Variants in SGSM3 observed in about 807,000 individuals in gnomAD.
SGSM3 encodes the protein small G protein signaling modulator 3.
A neutral mutation model predicts 100.5 loss-of-function variants in SGSM3; 96 were observed. That is an observed-to-expected ratio of 0.96 (90% CI 0.81 to 1.13). SGSM3 has a LOEUF of 1.13. Among genes scored for constraint, SGSM3 ranks in the 50% most tolerant of loss-of-function variants. SGSM3 has a pLI of 0.00. For missense variants in SGSM3, 1,001 were observed against 1,015.8 expected (o/e 0.99, Z 0.20); for synonymous variants, 483 against 422.8 (o/e 1.14, Z -1.75).
chr22:40,408,248 G>T (rs1474763213), intron 15 of SGSM3, 29 bp from the exon 16 acceptor site: 2 of 1,611,572 alleles, frequency 1.2e-6, no homozygotes, highest in East Asian at 4.5e-5. Flanking sequence ...CGTCAGGCAG[G>T]GCTTTCTCAG....
chr22:40,406,004 G>C, intron 8 of SGSM3, 74 bp from the exon 9 acceptor site: 1 of 1,564,116 alleles, frequency 6.4e-7, no homozygotes, highest in Middle Eastern at 1.7e-4. Context: ...TAAGCAGGGA[G>C]GACCTTGCTG....
At chr22:40,387,538 G>T (rs1245711597) in intron 1 of SGSM3, 3 of 229,708 alleles carry the variant, frequency 1.3e-5, no homozygotes, top group Non-Finnish European at 2.5e-5. Flanking sequence ...TGTCTCAGTG[G>T]CCTTCTTTGC....
chr22:40,376,940 G>A (rs777600867), intron 1 of SGSM3, among the ~76,000 whole-genome samples: 3 of 152,120 alleles, frequency 2.0e-5, no homozygotes, highest in Non-Finnish European at 2.9e-5. Context: ...GATTGTCATA[G>A]GAATAACCAA....
intron 6 of SGSM3, 87 bp downstream of exon 6, chr22:40,404,751 G>A: frequency 2.1e-6 from 2 of 941,104 alleles, no homozygotes; most frequent in East Asian, 2.6e-5. Flanking sequence ...CTTAGAGTGT[G>A]CCCTTGTTGT....
Position 40,407,192 on chromosome 22 carries a change from G to A in SGSM3, c.1241-9G>A, listed in dbSNP as rs759739592. 6.2e-7 allele frequency: 1 copy of A among 1,613,466 alleles called. No homozygotes were observed. ...GGCTGTGGTCACCATGGTTCTCTGG[G>A]CCTCCTAGGGGAGGATGACCTGGAG... is the stretch of plus-strand genomic sequence containing the variant. On this transcript the variant is annotated splice_polypyrimidine_tract_variant and intron_variant, in intron 11 of 21. Coordinates refer to ENST00000248929, the MANE Select transcript of SGSM3 (RefSeq NM_015705.6). This position sits in a 1 kb window ranked among gnomAD's most constrained non-coding sequence, Gnocchi z 4.7.
intron 1 of SGSM3, among the ~76,000 whole-genome samples, chr22:40,377,085 C>T (rs2046753684): frequency 6.6e-6 from 1 of 152,192 alleles, no homozygotes; most frequent in South Asian, 2.1e-4. Flanking sequence ...TGAAGCATCA[C>T]ATTTTGAGAA....
At chr22:40,401,514 G>A in intron 2 of SGSM3, 79 bp from the exon 3 acceptor site, 4 of 1,147,786 alleles carry the variant, frequency 3.5e-6, no homozygotes, top group Middle Eastern at 2.1e-4. Flanking sequence ...CCAAAGTACT[G>A]AGATTACAGG....
rs1254727779 is a variant in SGSM3, at chr22:40,407,484, C to T, written c.1440C>T (p.Ser480=). 1.2e-6 allele frequency: 2 copies of T among 1,611,364 alleles called. No individual in the cohort carries two copies. The highest frequency in any genetic ancestry group is 1.7e-6 in the Non-Finnish European group (2 of 1,179,982). Reference sequence around the variant, plus strand: ...AGAACTACGTGGCGTGCTCACGCAGCCACCGGCGCCGAGCCAAGGCCCTGC... The same window carrying T: ...AGAACTACGTGGCGTGCTCACGCAGTCACCGGCGCCGAGCCAAGGCCCTGC... ...DHENYVACSR[S]HRRRAKALLD... Residue 480 remains serine (S), a synonymous_variant, in exon 13 of 22, where the codon AGC becomes AGT. Coordinates refer to ENST00000248929, the MANE Select transcript of SGSM3 (RefSeq NM_015705.6). The surrounding 1 kb of genome is among the most constrained non-coding windows in gnomAD (Gnocchi z 4.7).
At chr22:40,375,302 G>A (rs1205943702) in intron 1 of SGSM3, among the ~76,000 whole-genome samples, 2 of 152,086 alleles carry the variant, frequency 1.3e-5, no homozygotes, top group African/African-American at 4.8e-5. Flanking sequence ...TTGATAGGCC[G>A]GTTGTGGTGG....
At chr22:40,401,224 T>A (rs908893399) in intron 2 of SGSM3, among the ~76,000 whole-genome samples, 27 of 152,168 alleles carry the variant, frequency 1.8e-4, no homozygotes, top group African/African-American at 6.5e-4. Context: ...GGGTATTTCC[T>A]GATTTGAATT....
chr22:40,394,749 C>T (rs918886446), intron 1 of SGSM3, among the ~76,000 whole-genome samples: 7 of 152,020 alleles, frequency 4.6e-5, no homozygotes, highest in Admixed American at 1.3e-4. Context: ...TACTTTCCCC[C>T]TCATCACTAC....
In SGSM3 at chr22:40,407,338, C is replaced by T; in HGVS notation, c.1368+10C>T. 6.2e-7 allele frequency: 1 copy of T among 1,613,382 alleles called. No homozygotes were observed. The highest frequency in any genetic ancestry group is 1.7e-5 in the Admixed American group (1 of 60,018). ...CAAAAACTGCAGCGTGGTGAGTCGC[C>T]AGCTCCCTGGGCTGCTACCAAACAC... On this transcript the variant is annotated intron_variant, in intron 12 of 21. Coordinates refer to ENST00000248929, the MANE Select transcript of SGSM3 (RefSeq NM_015705.6). This position sits in a 1 kb window ranked among gnomAD's most constrained non-coding sequence, Gnocchi z 4.7.
At chr22:40,372,687 T>TA (rs1555911893) in intron 1 of SGSM3, 1 of 152,154 alleles carries the variant, frequency 6.6e-6, no homozygotes, top group Admixed American at 6.5e-5. Flanking sequence ...AGGGAGGAGA[T>TA]AATCATCTCT....
chr22:40,408,789 C>T lies in SGSM3; in HGVS notation c.1854-5C>T, dbSNP rs781545790. 7 of 1,613,686 alleles carry T rather than the reference C, an allele frequency of 4.3e-6. No individual in the cohort carries two copies. Among genetic ancestry groups the T allele is most frequent in the Admixed American group, 3.3e-5 (2 of 60,004 alleles). Reference sequence around the variant, plus strand: ...GGCACCCCAGGAGCTTTGGTGTCCCCTCAGGTTGGATGAAGATGGCAAAGT... The same window carrying T: ...GGCACCCCAGGAGCTTTGGTGTCCCTTCAGGTTGGATGAAGATGGCAAAGT... On this transcript the variant is annotated splice_polypyrimidine_tract_variant and splice_region_variant and intron_variant, in intron 17 of 21. Transcript: ENST00000248929.
chr22:40,389,397 C>T (rs1054773462), intron 1 of SGSM3, among the ~76,000 whole-genome samples: 3 of 144,684 alleles, frequency 2.1e-5, no homozygotes, highest in East Asian at 2.1e-4. Flanking sequence ...CAGGAGATCC[C>T]GACCATCCCG....
At chr22:40,406,006 A>C (rs1197390151) in intron 8 of SGSM3, 72 bp from the exon 9 acceptor site, 8 of 1,565,014 alleles carry the variant, frequency 5.1e-6, no homozygotes, top group Middle Eastern at 1.7e-4. Context: ...AGCAGGGAGG[A>C]CCTTGCTGCA....
intron 2 of SGSM3, among the ~76,000 whole-genome samples, chr22:40,401,069 C>T (rs1273447332): frequency 2.0e-5 from 3 of 152,176 alleles, no homozygotes; most frequent in Non-Finnish European, 4.4e-5. Flanking sequence ...GAAGTTTGGT[C>T]ATGTTTTGTA....
In SGSM3 at chr22:40,401,652, G is replaced by C; in HGVS notation, c.67G>C (p.Glu23Gln). The change falls in exon 3 of 22, where the codon GAG (glutamate) becomes CAG (glutamine). Residue 23 changes from glutamate (E) to glutamine (Q), a missense_variant. Coordinates refer to ENST00000248929, the MANE Select transcript of SGSM3 (RefSeq NM_015705.6). ...CCTGACTCCGAGCATATGGCCCCAG[G>C]AGATCTTGGCCAAGTACACGCAGGT... ...SALTPSIWPQ[E>Q]ILAKYTQKEE... 6.2e-7 allele frequency: 1 copy of C among 1,613,334 alleles called. No homozygotes were observed. Among genetic ancestry groups the C allele is most frequent in the Non-Finnish European group, 8.5e-7 (1 of 1,179,486 alleles).
chr22:40,375,933 CAG>C (rs1208858947), intron 1 of SGSM3, among the ~76,000 whole-genome samples: 1 of 151,542 alleles, frequency 6.6e-6, no homozygotes, highest in African/African-American at 2.4e-5. Context: ...CCCACCTACT[CAG>C]GATGCTGAGG....
Sources: allele counts gnomAD v4.1 joint callset (sites outside exome capture counted in the v4.1 genomes callset), GRCh38; gene constraint gnomAD v4.1.1; non-coding constraint Gnocchi (gnomAD v3.1); transcripts MANE v1.5; gene names NCBI Gene and HGNC (gene_info 2026-07-23, HGNC 2026-07-21).